DGLUCY: variants seen among roughly 807,000 people sequenced by gnomAD.
The protein encoded by DGLUCY is D-glutamate cyclase, also known as D-glutamate cyclase, mitochondrial.
Under a neutral mutation model 58.5 loss-of-function variants are expected in DGLUCY, and 58 were observed. That is an observed-to-expected ratio of 0.99 (90% CI 0.80 to 1.23). The LOEUF is 1.23. Among genes scored for constraint, DGLUCY ranks in the 50% most tolerant of loss-of-function variants. The pLI, the probability that DGLUCY is intolerant of heterozygous loss-of-function variation, is 0.00. For synonymous variants in DGLUCY, 325 were observed against 314.1 expected (o/e 1.03, Z -0.37); for missense variants, 779 against 784.7 (o/e 0.99, Z 0.09).
intron 1 of DGLUCY, among the ~76,000 whole-genome samples, chr14:91,130,188 T>A (rs578045523): frequency 4.6e-5 from 7 of 152,374 alleles, no homozygotes; most frequent in Admixed American, 3.3e-4. Flanking sequence ...GGTGTTTCAG[T>A]TGACTTCATT....
chr14:91,162,732 A>C (rs1351736554), intron 3 of DGLUCY, among the ~76,000 whole-genome samples: 2 of 152,094 alleles, frequency 1.3e-5, no homozygotes, highest in Non-Finnish European at 2.9e-5. Context: ...TCCCATCTAT[A>C]CTAAAAATAT....
chr14:91,107,335 G>A (rs753681067), upstream of DGLUCY, among the ~76,000 whole-genome samples: 19 of 151,744 alleles, frequency 1.3e-4, no homozygotes, highest in African/African-American at 2.2e-4. Context: ...CCTGGCCAAC[G>A]TGGTGAAACC....
chr14:91,148,786 A>G (rs1286545094), intron 1 of DGLUCY: 1 of 151,876 alleles, frequency 6.6e-6, no homozygotes, highest in African/African-American at 2.4e-5. Context: ...GTCTCTACCA[A>G]AAAAATACAG....
At chr14:91,207,741 T>TTTTTTC (rs58381793) in intron 12 of DGLUCY, among the ~76,000 whole-genome samples, 150,862 of 151,570 alleles carry the variant, frequency 1, 75,085 homozygotes, top group East Asian at 1. Context: ...CTATTTTTAT[T>TTTTTTC]TTTTTCTTTT....
chr14:91,170,103 T>G lies in DGLUCY; in HGVS notation c.358T>G (p.Phe120Val). The G allele has an allele frequency of 6.2e-7, 1 of 1,613,046 alleles. No individual in the cohort carries two copies. The highest frequency in any genetic ancestry group is 8.5e-7 in the Non-Finnish European group (1 of 1,180,036). The change falls in exon 5 of 14, where the codon TTC (phenylalanine) becomes GTC (valine). Residue 120 changes from phenylalanine to valine, a missense_variant. Physicochemically the swap from Phe to Val is conservative, Grantham distance 50 (BLOSUM62 -1). Transcript: ENST00000256324. ...GGAGCAGCTGAAGGACATGGTGGCCTTCTTCCTGGGCTGCAGCTTCTCCCT... is the reference window on the plus strand; with the variant it reads ...GGAGCAGCTGAAGGACATGGTGGCCGTCTTCCTGGGCTGCAGCTTCTCCCT... ...YSEQLKDMVAFFLGCSFSLEE... is the reference protein window; with the variant it reads ...YSEQLKDMVAVFLGCSFSLEE...
intron 1 of DGLUCY, among the ~76,000 whole-genome samples, chr14:91,074,425 G>T (rs1451908026): frequency 6.6e-6 from 1 of 151,672 alleles, no homozygotes; most frequent in Admixed American, 6.6e-5. Flanking sequence ...GCTGCAGTGA[G>T]CTATGATGTG....
intron 1 of DGLUCY, among the ~76,000 whole-genome samples, chr14:91,142,840 A>AAC (rs558892923): frequency 0.046 from 5,725 of 124,186 alleles, 204 homozygotes; most frequent in African/African-American, 0.1. Flanking sequence ...ATCTCTACTA[A>AAC]ACACACACAC....
chr14:91,188,106 G>A (rs1276276849), intron 8 of DGLUCY, among the ~76,000 whole-genome samples: 1 of 152,184 alleles, frequency 6.6e-6, no homozygotes, highest in Non-Finnish European at 1.5e-5. Flanking sequence ...CAGCAGGCCA[G>A]GGTGGGTCTT....
At chr14:91,167,486 G>C in intron 4 of DGLUCY, 108 bp downstream of exon 4, 2 of 1,425,822 alleles carry the variant, frequency 1.4e-6, no homozygotes, top group Non-Finnish European at 2.0e-6. Context: ...GACCTTCACA[G>C]TGCCTGGCAC....
intron 11 of DGLUCY, among the ~76,000 whole-genome samples, chr14:91,204,011 G>T (rs2050729051): frequency 6.6e-6 from 1 of 150,722 alleles, no homozygotes; most frequent in South Asian, 2.2e-4. Flanking sequence ...AAGGGTAGAG[G>T]TATCTGCTAG....
chr14:91,115,446 C>T (rs529038247), intron 1 of DGLUCY, among the ~76,000 whole-genome samples: 6 of 152,138 alleles, frequency 3.9e-5, no homozygotes, highest in East Asian at 1.9e-4. Context: ...CATTTTGAGA[C>T]GGAGTCTTGC....
At chr14:91,142,985 G>C (rs1473706510) in intron 1 of DGLUCY, among the ~76,000 whole-genome samples, 4 of 138,692 alleles carry the variant, frequency 2.9e-5, no homozygotes, top group Non-Finnish European at 4.6e-5. Context: ...AGCCGAGATC[G>C]TGCTACTGCA....
At chr14:91,165,334 G>A (rs1460896371) in intron 3 of DGLUCY, 1 of 449,988 alleles carries the variant, frequency 2.2e-6, no homozygotes, top group East Asian at 7.1e-5. Flanking sequence ...GAGGTCTCTT[G>A]GAGGTAGGTA....
chr14:91,206,408 A>G (rs146129690), intron 12 of DGLUCY, among the ~76,000 whole-genome samples: 2 of 151,664 alleles, frequency 1.3e-5, no homozygotes, highest in Non-Finnish European at 2.9e-5. Flanking sequence ...TCTGAGACAG[A>G]GTCTCACTCT....
chr14:91,160,856 G>T (rs1469555818), intron 3 of DGLUCY, among the ~76,000 whole-genome samples: 1 of 152,134 alleles, frequency 6.6e-6, no homozygotes, highest in Non-Finnish European at 1.5e-5. Flanking sequence ...TCCTGCAAGA[G>T]AAAACAGATA....
At chr14:91,072,295 G>A (rs997316177) in intron 1 of DGLUCY, among the ~76,000 whole-genome samples, 1 of 151,202 alleles carries the variant, frequency 6.6e-6, no homozygotes, top group Non-Finnish European at 1.5e-5. Context: ...CTGCACTCCA[G>A]CGTGAGCAAC....
At chr14:91,201,097 G>C (rs2140592100) in intron 11 of DGLUCY, among the ~76,000 whole-genome samples, 1 of 152,238 alleles carries the variant, frequency 6.6e-6, no homozygotes, top group South Asian at 2.1e-4. Context: ...TATGGCAAGG[G>C]CGGGGAGGGT....
At position 91,199,785 on chromosome 14, in the gene DGLUCY, G is replaced by A; in HGVS notation, c.1324G>A (p.Ala442Thr). Reference sequence around the variant, plus strand: ...TGACCACCTGGTGGCCATAGAGCGTGCCGGAAGAGCTGCTGATGGCAATTA... The same window carrying A: ...TGACCACCTGGTGGCCATAGAGCGTACCGGAAGAGCTGCTGATGGCAATTA... ...RFDHLVAIER[A>T]GRAADGNYYN... Residue 442 changes from alanine to threonine, a missense_variant, in exon 11 of 14, where the codon GCC becomes ACC. Transcript: ENST00000256324. 6.2e-7 allele frequency: 1 copy of A among 1,614,142 alleles called. No homozygotes were observed. Among genetic ancestry groups the A allele is most frequent in the Non-Finnish European group, 8.5e-7 (1 of 1,180,030 alleles).
At chr14:91,133,385 A>G (rs372806082) in intron 1 of DGLUCY, among the ~76,000 whole-genome samples, 12 of 152,276 alleles carry the variant, frequency 7.9e-5, no homozygotes, top group East Asian at 3.9e-4. Context: ...TTGTTTATCT[A>G]TTCATCCATC....
Sources: allele counts gnomAD v4.1 joint callset (sites outside exome capture counted in the v4.1 genomes callset), GRCh38; gene constraint gnomAD v4.1.1; transcripts MANE v1.5; gene names NCBI Gene and HGNC (gene_info 2026-07-23, HGNC 2026-07-21).